The following TRMO variants were observed in gnomAD, a reference collection of about 807,000 sequenced individuals.
TRMO encodes tRNA methyltransferase O.
TRMO carries 30 observed loss-of-function variants against 37.2 expected under a neutral mutation model. That is an observed-to-expected ratio of 0.81 (90% CI 0.60 to 1.09). TRMO has a LOEUF of 1.09. TRMO is among the 50% of genes least tolerant of loss of function. The pLI is 0.00. For missense variants in TRMO, 552 were observed against 549.5 expected (o/e 1.00, Z -0.05); for synonymous variants, 239 against 199.4 (o/e 1.20, Z -1.67).
intron 3 of TRMO, chr9:97,912,912 C>T (rs1587836776): frequency 7.7e-7 from 1 of 1,304,326 alleles, no homozygotes; most frequent in Non-Finnish European, 1.0e-6. Flanking sequence ...TCATCCCAGA[C>T]TCCTGCCACA....
chr9:97,907,757 G>T (rs530493234), intron 4 of TRMO, among the ~76,000 whole-genome samples: 1 of 152,132 alleles, frequency 6.6e-6, no homozygotes, highest in Non-Finnish European at 1.5e-5. Flanking sequence ...AGGTGACCTC[G>T]TCCCTTTTCT....
chr9:97,919,662 G>A (rs1157248587), intron 1 of TRMO, among the ~76,000 whole-genome samples: 2 of 152,118 alleles, frequency 1.3e-5, no homozygotes, highest in Non-Finnish European at 2.9e-5. Context: ...CTTTGATTTG[G>A]GGCCTAGGAA....
Position 97,904,865 on chromosome 9 carries a change from G to A in TRMO, c.1194C>T (p.Tyr398=). The change falls in exon 5 of 5, where the codon TAC becomes TAT. Residue 398 remains tyrosine (Y), a synonymous_variant. Transcript: ENST00000375119. ...TGACATGCGCTATGTCTACAGTAAA[G>A]TAGAAAAGGCGGTCCTGGCAAAGCT... The part of the protein sequence containing the change: ...RRKLCQDRLF[Y]FTVDIAHVTC... 2 of 1,614,200 alleles carry A rather than the reference G, an allele frequency of 1.2e-6. No individual in the cohort carries two copies. Among genetic ancestry groups the A allele is most frequent in the Non-Finnish European group, 1.7e-6 (2 of 1,180,038 alleles).
chr9:97,922,277 C>G, intron 1 of TRMO, 141 bp downstream of exon 1: 1 of 641,292 alleles, frequency 1.6e-6, no homozygotes, highest in East Asian at 2.8e-5. Context: ...CTCCGCAGCA[C>G]GTGACCCGTG....
intron 1 of TRMO, among the ~76,000 whole-genome samples, chr9:97,920,283 G>A (rs565409214): frequency 2.2e-4 from 34 of 152,332 alleles, no homozygotes; most frequent in Non-Finnish European, 4.1e-4. Flanking sequence ...CAGGGATAGA[G>A]ATAAATAAGC....
chr9:97,916,240 A>G lies in TRMO; in HGVS notation c.175T>C (p.Cys59Arg). 1.2e-6 allele frequency: 2 copies of G among 1,613,574 alleles called. No homozygotes were observed. Among genetic ancestry groups the G allele is most frequent in the Admixed American group, 3.3e-5 (2 of 59,984 alleles). ...QPSICSYSRA[C>R]LRIRKRIFNN... ...AAGATCCTCTTTCTAATCCTCAAAC[A>G]GGCTCGAGAATAGCTACAAATGGAT... is the stretch of plus-strand genomic sequence containing the variant. Residue 59 changes from cysteine (C) to arginine (R), a missense_variant, in exon 2 of 5, where the codon TGT becomes CGT. Coordinates refer to ENST00000375119, the MANE Select transcript of TRMO (RefSeq NM_016481.5).
chr9:97,918,553 G>A (rs1220240963), intron 1 of TRMO, among the ~76,000 whole-genome samples: 2 of 152,024 alleles, frequency 1.3e-5, no homozygotes, highest in African/African-American at 2.4e-5. Flanking sequence ...ATCAATTTCT[G>A]AGAGATGATA....
chr9:97,910,355 T>C lies in TRMO; in HGVS notation c.671A>G (p.Asp224Gly), dbSNP rs1826058831. The change falls in exon 4 of 5, where the codon GAC (aspartate) becomes GGC (glycine). Residue 224 changes from aspartate to glycine, a missense_variant. By Grantham distance (94) the Asp-to-Gly change is moderately conservative. Coordinates refer to ENST00000375119, the MANE Select transcript of TRMO (RefSeq NM_016481.5). ...CAGGTAGTTTTCTTCTGAAGTTCTG[T>C]CTTCAGGACATTTAGGTTTCCTCTT... is the stretch of plus-strand genomic sequence containing the variant. ...STKRKPKCPEDRTSEENYLTH... is the reference protein window; with the variant it reads ...STKRKPKCPEGRTSEENYLTH... 1 of 1,614,204 alleles carries C rather than the reference T, an allele frequency of 6.2e-7. No homozygotes were observed. Among genetic ancestry groups the C allele is most frequent in the Non-Finnish European group, 8.5e-7 (1 of 1,180,022 alleles).
At chr9:97,897,354 G>C in the TRMO span, among the ~76,000 whole-genome samples, 2 of 152,072 alleles carry the variant, frequency 1.3e-5, no homozygotes, top group Non-Finnish European at 2.9e-5. Context: ...TTCTGTAAAG[G>C]GCCAGATTGT....
Position 97,913,390 on chromosome 9 carries a change from A to G in TRMO, c.409+11T>C. 1 of 1,613,918 alleles carries G rather than the reference A, an allele frequency of 6.2e-7. No individual in the cohort carries two copies. The highest frequency in any genetic ancestry group is 8.5e-7 in the Non-Finnish European group (1 of 1,179,928). ...GAGGAAAAAGGTAAAAGTAGAAATG[A>G]AATGGGTTACCTTCTACCTTTTCCA... is the stretch of plus-strand genomic sequence containing the variant. On this transcript the variant is annotated intron_variant, in intron 3 of 4. Coordinates refer to ENST00000375119, the MANE Select transcript of TRMO (RefSeq NM_016481.5).
downstream of TRMO, among the ~76,000 whole-genome samples, chr9:97,899,898 A>G (rs185933990): frequency 6.6e-6 from 1 of 152,238 alleles, no homozygotes; most frequent in African/African-American, 2.4e-5. Context: ...GTCTCCAAAA[A>G]AAAGAAAGAA....
At chr9:97,908,199 TC>T (rs1169068219) in intron 4 of TRMO, among the ~76,000 whole-genome samples, 3 of 152,010 alleles carry the variant, frequency 2.0e-5, no homozygotes, top group Non-Finnish European at 2.9e-5. Context: ...AATCACAAGG[TC>T]AGGAGATCGA....
chr9:97,918,674 C>G (rs1199985345), intron 1 of TRMO, among the ~76,000 whole-genome samples: 6 of 152,168 alleles, frequency 3.9e-5, no homozygotes, highest in African/African-American at 1.4e-4. Flanking sequence ...TTACTCTTCA[C>G]TTCTAGAAGC....
intron 1 of TRMO, among the ~76,000 whole-genome samples, chr9:97,919,662 GGGCCTA>G (rs1826536147): frequency 6.6e-6 from 1 of 152,118 alleles, no homozygotes; most frequent in African/African-American, 2.4e-5. Context: ...CTTTGATTTG[GGGCCTA>G]GGAATTTATA....
At chr9:97,908,217 C>T (rs918027115) in intron 4 of TRMO, among the ~76,000 whole-genome samples, 13 of 152,098 alleles carry the variant, frequency 8.5e-5, no homozygotes, top group Non-Finnish European at 4.4e-5. Flanking sequence ...TCGAGACCAT[C>T]CTGCCTAACA....
intron 1 of TRMO, among the ~76,000 whole-genome samples, chr9:97,921,328 G>A (rs779429400): frequency 6.6e-6 from 1 of 152,234 alleles, no homozygotes; most frequent in Non-Finnish European, 1.5e-5. Context: ...GGCTAAGGCA[G>A]GTGGATTGCT....
the TRMO span, among the ~76,000 whole-genome samples, chr9:97,897,793 T>C: frequency 1.3e-5 from 2 of 152,244 alleles, no homozygotes; most frequent in Non-Finnish European, 2.9e-5. Flanking sequence ...AATCTCAGAA[T>C]TTTCAAGCTA....
At chr9:97,911,673 T>C (rs372164123) in intron 3 of TRMO, 1 of 152,210 alleles carries the variant, frequency 6.6e-6, no homozygotes, top group Non-Finnish European at 1.5e-5. Flanking sequence ...AGAAATCTAA[T>C]ACATCCATCA....
intron 3 of TRMO, chr9:97,911,215 A>T (rs1826110417): frequency 4.8e-6 from 1 of 208,264 alleles, no homozygotes; most frequent in African/African-American, 2.4e-5. Flanking sequence ...CAAAAGAGGT[A>T]TGATGTCCCT....
Sources: gnomAD v4.1 joint callset for allele counts (sites outside exome capture counted in the v4.1 genomes callset) on GRCh38, gnomAD v4.1.1 for gene constraint, MANE v1.5 for transcripts, NCBI Gene and HGNC (gene_info 2026-07-23, HGNC 2026-07-21) for gene names.